Variants in TAFA4 observed in about 807,000 individuals in gnomAD.
TAFA4 encodes TAFA chemokine like family member 4.
TAFA4 carries 20 observed loss-of-function variants against 21.1 expected under a neutral mutation model. The observed-to-expected ratio is 0.95, with a 90% CI of 0.67 to 1.38. The LOEUF (loss-of-function observed/expected upper bound fraction) is 1.38, where lower values mean the gene tolerates loss of function less well. TAFA4 is among the 40% of genes most tolerant of loss of function. The pLI is 0.00. For missense variants in TAFA4, 211 were observed against 180.9 expected (o/e 1.17, Z -0.95); for synonymous variants, 71 against 67.4 (o/e 1.05, Z -0.26).
chr3:68,860,795 A>T (rs2089327283), intron 3 of TAFA4, among the ~76,000 whole-genome samples: 1 of 152,178 alleles, frequency 6.6e-6, no homozygotes, highest in African/African-American at 2.4e-5. Context: ...AATAAACGAT[A>T]GTTCAAGTCC....
chr3:68,752,648 T>C (rs115258186), intron 4 of TAFA4, among the ~76,000 whole-genome samples: 2,131 of 152,292 alleles, frequency 0.014, 50 homozygotes, highest in African/African-American at 0.048. Context: ...TGCCCTATAA[T>C]ATAACTCCCC....
chr3:68,849,011 A>T (rs116243668), intron 3 of TAFA4, among the ~76,000 whole-genome samples: 3,294 of 152,262 alleles, frequency 0.022, 116 homozygotes, highest in African/African-American at 0.07. Flanking sequence ...TAGATTTCCT[A>T]CACCTAGCAT....
rs138143534 is a variant in TAFA4 at position 68,830,977 on chromosome 3, T to C, written c.130+49753A>G. Among the ~76,000 whole-genome samples the C allele has an allele frequency of 3.2e-3, 481 of 152,340 alleles. 1 individual carries two copies. Among genetic ancestry groups the C allele is most frequent in the Non-Finnish European group, 5.1e-3 (350 of 68,026 alleles). On this transcript the variant is annotated intron_variant, in intron 3 of 5. Transcript: ENST00000295569. ...TTGTCTCTTCTTATCTTTGTTGGTTTATAGTCTGTTTTATCAGAGACCAGG... is the reference window on the plus strand; with the variant it reads ...TTGTCTCTTCTTATCTTTGTTGGTTCATAGTCTGTTTTATCAGAGACCAGG...
chr3:68,785,225 C>T (rs1575607550), intron 3 of TAFA4, among the ~76,000 whole-genome samples: 1 of 152,244 alleles, frequency 6.6e-6, no homozygotes, highest in East Asian at 1.9e-4. Flanking sequence ...CAAGTCCTCA[C>T]CAGTCAGGAG....
At chr3:68,741,789 C>T (rs943349022) in intron 4 of TAFA4, among the ~76,000 whole-genome samples, 20 of 151,454 alleles carry the variant, frequency 1.3e-4, no homozygotes, top group African/African-American at 4.4e-4. Flanking sequence ...AAGACTCCAT[C>T]TCAAAAAAAA....
At position 68,783,293 on chromosome 3, in the gene TAFA4, A is replaced by G. The variant is rs146304133; in HGVS notation, c.131-30275T>C. Among the ~76,000 whole-genome samples, 733 of 152,288 alleles carry G rather than the reference A, an allele frequency of 4.8e-3. 7 individuals carry two copies. The highest frequency in any genetic ancestry group is 0.017 in the African/African-American group (690 of 41,560). ...CCTAGCCAGTGAAAATCAGGCAAGA[A>G]AAAGAAATAAAAAGCAAATAAACCT... On this transcript the variant is annotated intron_variant, in intron 3 of 5. Transcript: ENST00000295569.
chr3:68,827,010 T>A (rs1330054782), intron 3 of TAFA4, among the ~76,000 whole-genome samples: 1 of 152,084 alleles, frequency 6.6e-6, no homozygotes, highest in Non-Finnish European at 1.5e-5. Flanking sequence ...ACATTAGGTA[T>A]TTCTCCTAAC....
At chr3:68,813,912 C>G (rs552008229) in intron 3 of TAFA4, among the ~76,000 whole-genome samples, 1 of 152,162 alleles carries the variant, frequency 6.6e-6, no homozygotes, top group Admixed American at 6.5e-5. Context: ...AGGCAAAAAT[C>G]CTCAATAAAA....
At chr3:68,927,329 T>C (rs923578678) in intron 1 of TAFA4, among the ~76,000 whole-genome samples, 3 of 152,194 alleles carry the variant, frequency 2.0e-5, no homozygotes, top group Non-Finnish European at 4.4e-5. Context: ...ATAAAACTAC[T>C]AATTTTCAGA....
chr3:68,744,104 C>G (rs1702408303), intron 4 of TAFA4, among the ~76,000 whole-genome samples: 1 of 152,214 alleles, frequency 6.6e-6, no homozygotes, highest in Non-Finnish European at 1.5e-5. Context: ...CTTCAAAACT[C>G]TTCCTCAGAC....
At chr3:68,877,174 C>T (rs1039146616) in intron 3 of TAFA4, among the ~76,000 whole-genome samples, 22 of 152,136 alleles carry the variant, frequency 1.4e-4, no homozygotes, top group Middle Eastern at 3.4e-3. Flanking sequence ...GCCTGGATAA[C>T]ATGGGGAAAG....
intron 1 of TAFA4, among the ~76,000 whole-genome samples, chr3:68,930,875 C>T (rs572503018): frequency 1.3e-5 from 2 of 152,304 alleles, no homozygotes; most frequent in East Asian, 3.9e-4. Flanking sequence ...TGAGTGGTAA[C>T]ACTAATTATA....
At chr3:68,806,763 C>A (rs762939768) in intron 3 of TAFA4, among the ~76,000 whole-genome samples, 5 of 152,016 alleles carry the variant, frequency 3.3e-5, no homozygotes, top group Non-Finnish European at 5.9e-5. Context: ...ACTTGCTTTC[C>A]CTTCTCTACT....
chr3:68,780,007 T>A (rs980691815), intron 3 of TAFA4, among the ~76,000 whole-genome samples: 1 of 152,208 alleles, frequency 6.6e-6, no homozygotes, highest in African/African-American at 2.4e-5. Context: ...GGAGCCCACC[T>A]CTTGCATCAG....
intron 3 of TAFA4, among the ~76,000 whole-genome samples, chr3:68,873,337 T>TACATACACACACACACAC (rs1208450049): frequency 5.2e-5 from 7 of 133,514 alleles, no homozygotes; most frequent in Middle Eastern, 3.6e-3. Flanking sequence ...CACGCAGACA[T>TACATACACACACACACAC]ACACACACAC....
intron 3 of TAFA4, among the ~76,000 whole-genome samples, chr3:68,787,439 T>C (rs1169702598): frequency 6.6e-6 from 1 of 152,198 alleles, no homozygotes; most frequent in Non-Finnish European, 1.5e-5. Flanking sequence ...ATAACAATCA[T>C]AATTATATCA....
Position 68,732,833 on chromosome 3 carries a change from A to G in TAFA4, c.*309T>C, listed in dbSNP as rs1489526169. The stretch of plus-strand genomic sequence containing the variant: ...AGCAGAAAGAAAGTGAAGAATGAAC[A>G]TGCCCTTAGTGGTGATCCATTTTGA... On this transcript the variant is annotated 3_prime_UTR_variant, in exon 6 of 6. Transcript: ENST00000295569. 2 of 355,288 alleles carry G rather than the reference A, an allele frequency of 5.6e-6. No homozygotes were observed. The highest frequency in any genetic ancestry group is 4.2e-5 in the African/African-American group (2 of 48,094). The allele number at this position is 355,288 out of a possible 1,614,324, so 22.0% of individuals were successfully genotyped here.
rs186784342 is a variant in TAFA4 at position 68,815,974 on chromosome 3, A to T, written c.131-62956T>A. ...ATGTGGCACATATACACCATGGGACACTATGCAGCCATAAAAAAGGATGCG... is the reference window on the plus strand; with the variant it reads ...ATGTGGCACATATACACCATGGGACTCTATGCAGCCATAAAAAAGGATGCG... On this transcript the variant is annotated intron_variant, in intron 3 of 5. Coordinates refer to ENST00000295569, the MANE Select transcript of TAFA4 (RefSeq NM_182522.5). 2.3e-3 allele frequency among the ~76,000 whole-genome samples: 352 copies of T among 152,348 alleles called. 3 individuals are homozygous for T. The highest frequency in any genetic ancestry group is 8.2e-3 in the African/African-American group (341 of 41,568).
chr3:68,892,193 CCCA>C (rs1223670760), intron 1 of TAFA4, among the ~76,000 whole-genome samples: 3 of 152,116 alleles, frequency 2.0e-5, no homozygotes, highest in East Asian at 1.9e-4. Context: ...GACATGTTTT[CCCA>C]CCAATATGTG....
Sources: gnomAD v4.1 joint callset for allele counts (sites outside exome capture counted in the v4.1 genomes callset) on GRCh38, gnomAD v4.1.1 for gene constraint, MANE v1.5 for transcripts, NCBI Gene and HGNC (gene_info 2026-07-23, HGNC 2026-07-21) for gene names.